GSK3B: variants seen among roughly 807,000 people sequenced by gnomAD.
GSK3B encodes glycogen synthase kinase-3 beta.
GSK3B carries 15 observed loss-of-function variants against 56.4 expected under a neutral mutation model. The observed-to-expected ratio is 0.27, with a 90% CI of 0.18 to 0.41. The LOEUF (loss-of-function observed/expected upper bound fraction) is 0.41, where lower values mean the gene tolerates loss of function less well. Ranked by LOEUF, GSK3B falls within the 10% of genes least tolerant of loss-of-function variation. The probability of loss-of-function intolerance (pLI) is 1.00; values close to 1 mark genes in which losing one functional copy is unlikely to be tolerated. For synonymous variants in GSK3B, 181 were observed against 188.9 expected, an observed-to-expected ratio of 0.96 and a Z score of 0.34; for missense variants, 300 against 513.4, an observed-to-expected ratio of 0.58 and a Z score of 4.02.
chr3:119,932,267 A>G (rs2056953607), intron 3 of GSK3B, among the ~76,000 whole-genome samples: 1 of 152,222 alleles, frequency 6.6e-6, no homozygotes, highest in African/African-American at 2.4e-5. Context: ...GGGCATTCCA[A>G]CTGGCAAAAA....
Position 119,833,520 on chromosome 3 carries a change from T to G in GSK3B, c.1196-6665A>C, listed in dbSNP as rs148946924. ...AGTAATTGACGTTAAAGATTAAAAT[T>G]CAGTTCCTTATTTGCTCTCAACACA... On this transcript the variant is annotated intron_variant, in intron 10 of 10. Transcript: ENST00000264235. Among the ~76,000 whole-genome samples the G allele has an allele frequency of 1.9e-3, 287 of 152,308 alleles. 1 individual carries two copies. The highest frequency in any genetic ancestry group is 6.5e-3 in the African/African-American group (271 of 41,564).
At chr3:119,860,486 T>C (rs1217399107) in intron 9 of GSK3B, among the ~76,000 whole-genome samples, 2 of 152,190 alleles carry the variant, frequency 1.3e-5, no homozygotes, top group African/African-American at 4.8e-5. Flanking sequence ...AAGTTGTCCA[T>C]CTCATATCTG....
At position 120,027,294 on chromosome 3, in the gene GSK3B, T is replaced by C. The variant is rs1043181381; in HGVS notation, c.89-25055A>G. ...CAGGAGGCTGAGGCAGGAGAATCACTTGAACCCAGGAGGTGGAGGTCGCAG... is the reference window on the plus strand; with the variant it reads ...CAGGAGGCTGAGGCAGGAGAATCACCTGAACCCAGGAGGTGGAGGTCGCAG... On this transcript the variant is annotated intron_variant, in intron 1 of 10. Transcript: ENST00000264235. Among the ~76,000 whole-genome samples the C allele has an allele frequency of 4.6e-4, 70 of 151,756 alleles. 2 individuals are homozygous for C. The highest frequency in any genetic ancestry group is 1.6e-4 in the Non-Finnish European group (11 of 67,934).
intron 2 of GSK3B, among the ~76,000 whole-genome samples, chr3:119,982,002 A>T (rs1345816784): frequency 6.6e-6 from 1 of 152,200 alleles, no homozygotes; most frequent in Non-Finnish European, 1.5e-5. Flanking sequence ...CCAGAGGAAG[A>T]TCAGGCAGCA....
intron 2 of GSK3B, among the ~76,000 whole-genome samples, chr3:119,957,670 A>C (rs1219171235): frequency 6.6e-6 from 1 of 152,176 alleles, no homozygotes; most frequent in Non-Finnish European, 1.5e-5. Flanking sequence ...CTGTATCTTC[A>C]CAACTTCAAT....
intron 7 of GSK3B, among the ~76,000 whole-genome samples, chr3:119,890,418 G>C (rs1055776024): frequency 2.6e-5 from 4 of 152,072 alleles, no homozygotes; most frequent in African/African-American, 9.7e-5. Flanking sequence ...TGAAATTCTA[G>C]AATAGGCATC....
At chr3:120,026,333 G>C (rs1043132304) in intron 1 of GSK3B, among the ~76,000 whole-genome samples, 1 of 152,154 alleles carries the variant, frequency 6.6e-6, no homozygotes, top group Non-Finnish European at 1.5e-5. Flanking sequence ...GCTGGAGCAA[G>C]AGCAGCGAAA....
intron 1 of GSK3B, among the ~76,000 whole-genome samples, chr3:120,018,246 C>A (rs2057843470): frequency 6.6e-6 from 1 of 152,088 alleles, no homozygotes; most frequent in African/African-American, 2.4e-5. Context: ...ACAGGTAACC[C>A]CTGAACAATA....
chr3:120,024,176 T>A (rs985233671), intron 1 of GSK3B, among the ~76,000 whole-genome samples: 38 of 151,686 alleles, frequency 2.5e-4, no homozygotes, highest in African/African-American at 4.3e-4. Flanking sequence ...ACAAAAAAAA[T>A]TTTTTTTTAA....
chr3:119,983,306 A>G (rs1343371167), intron 2 of GSK3B, among the ~76,000 whole-genome samples: 3 of 152,228 alleles, frequency 2.0e-5, no homozygotes, highest in Admixed American at 1.3e-4. Flanking sequence ...ATTAATGGGC[A>G]AAATAACCAG....
intron 7 of GSK3B, among the ~76,000 whole-genome samples, chr3:119,890,684 T>C (rs574307971): frequency 1.3e-5 from 2 of 151,786 alleles, no homozygotes; most frequent in Admixed American, 6.6e-5. Flanking sequence ...TAAACTGTCA[T>C]TTAAAATGCC....
chr3:119,892,195 A>G (rs1167949805), intron 7 of GSK3B, among the ~76,000 whole-genome samples: 1 of 152,158 alleles, frequency 6.6e-6, no homozygotes, highest in Non-Finnish European at 1.5e-5. Context: ...AAAACCTATT[A>G]GAAATGTCGC....
At chr3:119,919,699 G>GT (rs971855656) in intron 4 of GSK3B, among the ~76,000 whole-genome samples, 18 of 151,972 alleles carry the variant, frequency 1.2e-4, no homozygotes, top group Admixed American at 3.3e-4. Context: ...CAAAAATACC[G>GT]TAAGTGCACA....
At chr3:119,977,817 C>T (rs1297943673) in intron 2 of GSK3B, among the ~76,000 whole-genome samples, 2 of 151,994 alleles carry the variant, frequency 1.3e-5, no homozygotes, top group Non-Finnish European at 2.9e-5. Context: ...TAACTTACAA[C>T]CTTAAGAATA....
chr3:120,037,445 G>C (rs920838394), intron 1 of GSK3B, among the ~76,000 whole-genome samples: 1 of 152,050 alleles, frequency 6.6e-6, no homozygotes, highest in Non-Finnish European at 1.5e-5. Flanking sequence ...ACATTATCCC[G>C]AAGAACTTGT....
chr3:120,000,901 T>C (rs528749884), intron 2 of GSK3B, among the ~76,000 whole-genome samples: 1 of 149,332 alleles, frequency 6.7e-6, no homozygotes, highest in East Asian at 2.0e-4. Context: ...CCAAACCTCA[T>C]GTTGAAATGT....
At chr3:119,860,326 G>A (rs556481262) in intron 9 of GSK3B, among the ~76,000 whole-genome samples, 49 of 152,324 alleles carry the variant, frequency 3.2e-4, no homozygotes, top group African/African-American at 1.2e-3. Flanking sequence ...AAAGAAGGGG[G>A]TGTGCCAAAG....
chr3:119,879,069 G>T (rs537121885), intron 7 of GSK3B, among the ~76,000 whole-genome samples: 88 of 152,262 alleles, frequency 5.8e-4, no homozygotes, highest in African/African-American at 1.6e-3. Context: ...CTACATAGTA[G>T]GTGTATGTAT....
intron 3 of GSK3B, among the ~76,000 whole-genome samples, chr3:119,936,756 CAGAAT>C (rs1333755641): frequency 6.6e-6 from 1 of 151,858 alleles, no homozygotes; most frequent in East Asian, 1.9e-4. Context: ...CAAAGACTAA[CAGAAT>C]AGAAGGGAGA....
Sources: gnomAD v4.1 joint callset for allele counts (sites outside exome capture counted in the v4.1 genomes callset) on GRCh38, gnomAD v4.1.1 for gene constraint, MANE v1.5 for transcripts, NCBI Gene and HGNC (gene_info 2026-07-23, HGNC 2026-07-21) for gene names.